The following SLC1A7 variants were observed in gnomAD, a reference collection of about 807,000 sequenced individuals.
SLC1A7 encodes solute carrier family 1 member 7.
Under a neutral mutation model 47.7 loss-of-function variants are expected in SLC1A7, and 40 were observed. That is an observed-to-expected ratio of 0.84 (90% CI 0.65 to 1.09). The LOEUF is 1.09. Ranked by LOEUF, SLC1A7 falls within the 50% of genes least tolerant of loss-of-function variation. The pLI, the probability that SLC1A7 is intolerant of heterozygous loss-of-function variation, is 0.00. For synonymous variants in SLC1A7, 323 were observed against 325.6 expected, an observed-to-expected ratio of 0.99 and a Z score of 0.09; for missense variants, 746 against 769.5, an observed-to-expected ratio of 0.97 and a Z score of 0.36.
chr1:53,112,428 C>A (rs1644709753), intron 3 of SLC1A7, among the ~76,000 whole-genome samples: 1 of 152,212 alleles, frequency 6.6e-6, no homozygotes, highest in African/African-American at 2.4e-5. Flanking sequence ...GACCTATAGA[C>A]TTGTGGCTGT....
At chr1:53,122,837 C>G (rs1557685169) in intron 2 of SLC1A7, among the ~76,000 whole-genome samples, 1 of 152,186 alleles carries the variant, frequency 6.6e-6, no homozygotes. Flanking sequence ...CGGGGAAGAG[C>G]ATTGGGCCAC....
chr1:53,132,306 G>C (rs925232646), intron 2 of SLC1A7, among the ~76,000 whole-genome samples: 23 of 152,180 alleles, frequency 1.5e-4, no homozygotes, highest in African/African-American at 5.6e-4. Context: ...AGACCAGTGA[G>C]GTGGCGGTGG....
intron 3 of SLC1A7, among the ~76,000 whole-genome samples, chr1:53,106,236 A>G (rs1446952697): frequency 2.0e-5 from 3 of 151,870 alleles, no homozygotes; most frequent in Non-Finnish European, 4.4e-5. Context: ...TTCATGTCCT[A>G]TCTGTGGGGC....
chr1:53,093,737 G>GTAT, intron 5 of SLC1A7, among the ~76,000 whole-genome samples, 177 bp from the exon 6 acceptor site: 1 of 150,910 alleles, frequency 6.6e-6, no homozygotes, highest in Middle Eastern at 3.4e-3. Context: ...GTGCTCTCAC[G>GTAT]TCCTCCTCTC....
At chr1:53,123,400 C>A (rs1171129372) in intron 2 of SLC1A7, among the ~76,000 whole-genome samples, 3 of 152,168 alleles carry the variant, frequency 2.0e-5, no homozygotes, top group African/African-American at 7.2e-5. Flanking sequence ...GGCGGCAGCA[C>A]AGTTTTCAAA....
chr1:53,105,803 T>A, intron 3 of SLC1A7, 29 bp from the exon 4 acceptor site: 1 of 1,608,908 alleles, frequency 6.2e-7, no homozygotes, highest in East Asian at 2.2e-5. Flanking sequence ...ATTGAAAAAT[T>A]CCAGAGCCCA....
Position 53,109,050 on chromosome 1 carries a change from G to T in SLC1A7, c.432-3276C>A, listed in dbSNP as rs557041335. On this transcript the variant is annotated intron_variant, in intron 3 of 10. Transcript: ENST00000371494. ...ACATAAAACACAGAACGTGCCTGGG[G>T]ACGTTAATAGCCATGCCTATCAAAT... Among the ~76,000 whole-genome samples, 28 of 152,172 alleles carry T rather than the reference G, an allele frequency of 1.8e-4. No individual in the cohort carries two copies. The South Asian group carries it at 5.8e-3, about 32-fold the overall frequency.
At position 53,103,394 on chromosome 1, in the gene SLC1A7, T is replaced by C; in HGVS notation, c.649A>G (p.Ser217Gly). 6.2e-7 allele frequency: 1 copy of C among 1,610,776 alleles called. No homozygotes were observed. The highest frequency in any genetic ancestry group is 1.3e-5 in the African/African-American group (1 of 74,988). Residue 217 changes from serine (S) to glycine (G), a missense_variant, in exon 5 of 11, where the codon AGC becomes GGC. By Grantham distance (56) the Ser-to-Gly change is moderately conservative. Coordinates refer to ENST00000371494, the MANE Select transcript of SLC1A7 (RefSeq NM_006671.6). ...ATGCCCAGCACATTCATGCCATCGC[T>C]GGTGCCCGGCTCTGACTTGTAAACG... ...EVVYKSEPGT[S>G]DGMNVLGIVF...
At chr1:53,115,795 C>T (rs1387728022) in intron 2 of SLC1A7, 1 of 152,330 alleles carries the variant, frequency 6.6e-6, no homozygotes, top group Non-Finnish European at 1.5e-5. Flanking sequence ...CTCCTCTCGG[C>T]TCCTCCCCAC....
chr1:53,114,766 G>A lies in SLC1A7; in HGVS notation c.423C>T (p.Asp141=). The A allele has an allele frequency of 6.2e-7, 1 of 1,613,792 alleles. No individual in the cohort carries two copies. Among genetic ancestry groups the A allele is most frequent in the South Asian group, 1.1e-5 (1 of 91,052 alleles). Residue 141 remains aspartate, a synonymous_variant, in exon 3 of 11, where the codon GAC becomes GAT. Coordinates refer to ENST00000371494, the MANE Select transcript of SLC1A7 (RefSeq NM_006671.6). ...PIMSSADALL[D]LIRNMFPANL... Reference sequence around the variant, plus strand: ...TGGGTGGCAATAGTTACCGGATGAGGTCCAACAGGGCATCGGCTGAGCTCA... The same window carrying A: ...TGGGTGGCAATAGTTACCGGATGAGATCCAACAGGGCATCGGCTGAGCTCA...
chr1:53,134,100 G>T (rs751094975), intron 2 of SLC1A7, among the ~76,000 whole-genome samples: 7 of 152,066 alleles, frequency 4.6e-5, no homozygotes, highest in African/African-American at 1.7e-4. Context: ...TCTTGGAGTC[G>T]GGTCATATCC....
intron 5 of SLC1A7, among the ~76,000 whole-genome samples, chr1:53,097,934 TCGG>T (rs1274877526): frequency 7.8e-5 from 3 of 38,542 alleles, no homozygotes; most frequent in Non-Finnish European, 3.4e-4. Flanking sequence ...TCACCCCACC[TCGG>T]TACACTCACA....
intron 2 of SLC1A7, among the ~76,000 whole-genome samples, chr1:53,122,042 G>A (rs1311034277): frequency 1.3e-5 from 2 of 152,050 alleles, no homozygotes; most frequent in Admixed American, 1.3e-4. Context: ...GGTGCTGTGT[G>A]GTCCGGAGCG....
rs944998590 is a variant in SLC1A7, at chr1:53,129,922, C to T, written c.215+4428G>A. On this transcript the variant is annotated intron_variant, in intron 2 of 10. Transcript: ENST00000371494. Reference sequence around the variant, plus strand: ...ACAAAGATGCACACGACCCTGCCCACGGAGGGGGCCATGCCGCTGGCCCGA... The same window carrying T: ...ACAAAGATGCACACGACCCTGCCCATGGAGGGGGCCATGCCGCTGGCCCGA... 3.2e-5 allele frequency among the ~76,000 whole-genome samples: 3 copies of T among 94,620 alleles called. 1 individual carries two copies. The highest frequency in any genetic ancestry group is 4.7e-5 in the Non-Finnish European group (2 of 42,256). The allele number at this position is 94,620 out of a possible 152,430, so 62.1% of individuals were successfully genotyped here.
chr1:53,104,990 A>T lies in SLC1A7; in HGVS notation c.474+742T>A, dbSNP rs115473293. Among the ~76,000 whole-genome samples the T allele has an allele frequency of 2.7e-3, 412 of 152,352 alleles. 1 individual carries two copies. Among genetic ancestry groups the T allele is most frequent in the African/African-American group, 9.0e-3 (376 of 41,574 alleles). On this transcript the variant is annotated intron_variant, in intron 4 of 10. Transcript: ENST00000371494. ...TTACAGCGCAGCCTTATCACAGGCC[A>T]TTGTAGTACCACTAAACATTGTACT... is the stretch of plus-strand genomic sequence containing the variant.
rs78670456 is a variant in SLC1A7, at chr1:53,142,504, G to A, written c.-55C>T. 5.4e-3 allele frequency: 8,624 copies of A among 1,586,216 alleles called. 406 individuals are homozygous for A. The African/African-American group carries it at 0.1, about 19-fold the overall frequency. On this transcript the variant is annotated 5_prime_UTR_variant, in exon 1 of 11. Transcript: ENST00000371494. ...AGCACCATTCCACGCATGAGAGCCC[G>A]GCCGGGGGCACAGGGTCTGGGCTGA... is the stretch of plus-strand genomic sequence containing the variant.
intron 3 of SLC1A7, among the ~76,000 whole-genome samples, chr1:53,110,830 T>C (rs770041645): frequency 4.6e-5 from 7 of 152,102 alleles, no homozygotes; most frequent in Non-Finnish European, 8.8e-5. Flanking sequence ...AGTGCGGCCG[T>C]GAGCCAAGGC....
At chr1:53,126,507 C>G (rs1237007082) in intron 2 of SLC1A7, among the ~76,000 whole-genome samples, 1 of 152,198 alleles carries the variant, frequency 6.6e-6, no homozygotes, top group African/African-American at 2.4e-5. Context: ...TACCCACCAG[C>G]AAGCAGATTT....
chr1:53,136,204 T>A lies in SLC1A7; in HGVS notation c.136-1775A>T, dbSNP rs183434188. ...ATAATTATATATTATATATATATAT[T>A]TTTTAGACAGAGTCTTGCTCTGTCA... On this transcript the variant is annotated intron_variant, in intron 1 of 10. Transcript: ENST00000371494. Among the ~76,000 whole-genome samples the A allele has an allele frequency of 6.7e-3, 995 of 147,598 alleles. 5 individuals carry two copies. The highest frequency in any genetic ancestry group is 0.01 in the Non-Finnish European group (685 of 67,200).
Sources: gnomAD v4.1 joint callset for allele counts (sites outside exome capture counted in the v4.1 genomes callset) on GRCh38, gnomAD v4.1.1 for gene constraint, MANE v1.5 for transcripts, NCBI Gene and HGNC (gene_info 2026-07-23, HGNC 2026-07-21) for gene names.